The following FGF14 variants were observed in gnomAD, a reference collection of about 807,000 sequenced individuals.
FGF14 encodes fibroblast growth factor 14.
Under a neutral mutation model 25.5 loss-of-function variants are expected in FGF14, and 5 were observed. The ratio of observed to expected loss-of-function variants is 0.20; its 90% confidence interval spans 0.10 to 0.41. The LOEUF is 0.41. Ranked by LOEUF, FGF14 falls within the 10% of genes least tolerant of loss-of-function variation. The probability of loss-of-function intolerance (pLI) is 1.00; values close to 1 mark genes in which losing one functional copy is unlikely to be tolerated. For missense variants in FGF14, 222 were observed against 320.1 expected, an observed-to-expected ratio of 0.69 and a Z score of 2.34; for synonymous variants, 138 against 118.3, an observed-to-expected ratio of 1.17 and a Z score of -1.08.
chr13:102,372,165 A>G (rs1221708779), intron 1 of FGF14, among the ~76,000 whole-genome samples: 1 of 152,196 alleles, frequency 6.6e-6, no homozygotes, highest in African/African-American at 2.4e-5. Context: ...TCTCTACTTC[A>G]TTCAAAAATA....
At chr13:102,030,258 T>C (rs548044816) in intron 1 of FGF14, among the ~76,000 whole-genome samples, 44 of 152,208 alleles carry the variant, frequency 2.9e-4, no homozygotes, top group African/African-American at 1.0e-3. Flanking sequence ...TCTTGGGTGG[T>C]AAAAGTTAAT....
Position 101,715,380 on chromosome 13 carries a change from T to C in FGF14, c.*7451A>G. 2 of 584,396 alleles carry C rather than the reference T, an allele frequency of 3.4e-6. No homozygotes were observed. The highest frequency in any genetic ancestry group is 4.2e-5 in the South Asian group (2 of 47,834). The allele number at this position is 584,396 out of a possible 1,614,324, so 36.2% of individuals were successfully genotyped here. ...GGCACCAAATAAATGCCACTAATTG[T>C]TTGAAAGATTAGATGTCTCGCAGCT... On this transcript the variant is annotated 3_prime_UTR_variant, in exon 5 of 5. Coordinates refer to ENST00000376143, the MANE Select transcript of FGF14 (RefSeq NM_004115.4).
chr13:101,747,652 C>A (rs551313822), intron 3 of FGF14, among the ~76,000 whole-genome samples: 1 of 152,118 alleles, frequency 6.6e-6, no homozygotes, highest in African/African-American at 2.4e-5. Flanking sequence ...AATGAGATAT[C>A]ATCTCACACC....
chr13:101,726,247 A>G (rs530103673), intron 4 of FGF14, among the ~76,000 whole-genome samples: 1 of 152,208 alleles, frequency 6.6e-6, no homozygotes, highest in East Asian at 1.9e-4. Context: ...TATACTTATT[A>G]TCTTTTTCTA....
At chr13:102,365,446 G>A (rs111262868) in intron 1 of FGF14, among the ~76,000 whole-genome samples, 20 of 152,242 alleles carry the variant, frequency 1.3e-4, no homozygotes, top group South Asian at 4.2e-4. Context: ...ACAAAACGGC[G>A]ATAATAATTC....
At position 101,928,155 on chromosome 13, in the gene FGF14, G is replaced by T. The variant is rs550722308; in HGVS notation, c.209-52859C>A. On this transcript the variant is annotated intron_variant, in intron 1 of 4. Transcript: ENST00000376131. ...ACTCTGCATGTGGAAGGAAGTGGAAGGTCTGCTGCCCAGGAGATTTTCCTA... is the reference window on the plus strand; with the variant it reads ...ACTCTGCATGTGGAAGGAAGTGGAATGTCTGCTGCCCAGGAGATTTTCCTA... 7.2e-5 allele frequency among the ~76,000 whole-genome samples: 11 copies of T among 152,284 alleles called. No individual in the cohort carries two copies. In the South Asian group the frequency reaches 2.3e-3, roughly 32 times the overall value.
chr13:101,800,918 C>A (rs7319685), intron 3 of FGF14, among the ~76,000 whole-genome samples: 13 of 151,982 alleles, frequency 8.6e-5, no homozygotes, highest in African/African-American at 3.1e-4. Flanking sequence ...ACCTTCATAT[C>A]ATTATGCACT....
chr13:101,901,258 T>C (rs998898312), intron 1 of FGF14, among the ~76,000 whole-genome samples: 1 of 152,076 alleles, frequency 6.6e-6, no homozygotes. Flanking sequence ...GAGAAAGGGA[T>C]GGGAGAAGAT....
intron 1 of FGF14, among the ~76,000 whole-genome samples, chr13:102,280,803 T>C (rs563800893): frequency 6.6e-6 from 1 of 152,116 alleles, no homozygotes; most frequent in East Asian, 1.9e-4. Flanking sequence ...TGAAAACAGA[T>C]CTAGAGTGAA....
chr13:101,796,831 C>T (rs896802598), intron 3 of FGF14, among the ~76,000 whole-genome samples: 6 of 152,190 alleles, frequency 3.9e-5, no homozygotes, highest in African/African-American at 9.6e-5. Flanking sequence ...TACATTGTTA[C>T]GGCAGCCCTA....
intron 3 of FGF14, among the ~76,000 whole-genome samples, chr13:101,811,222 C>G (rs1053366868): frequency 1.3e-5 from 2 of 152,128 alleles, no homozygotes; most frequent in Non-Finnish European, 2.9e-5. Context: ...TACTATCACA[C>G]AGAATATTTT....
At chr13:101,749,293 A>G (rs2037112556) in intron 3 of FGF14, among the ~76,000 whole-genome samples, 1 of 152,028 alleles carries the variant, frequency 6.6e-6, no homozygotes, top group Non-Finnish European at 1.5e-5. Context: ...GATTAAGCAA[A>G]CTGTGGTACA....
At chr13:102,213,155 T>C (rs2050229214) in intron 1 of FGF14, among the ~76,000 whole-genome samples, 1 of 152,190 alleles carries the variant, frequency 6.6e-6, no homozygotes, top group Admixed American at 6.5e-5. Context: ...TGCCTTGCAA[T>C]TTCAGGATCA....
chr13:101,810,912 T>C (rs1169929354), intron 3 of FGF14, among the ~76,000 whole-genome samples: 1 of 152,144 alleles, frequency 6.6e-6, no homozygotes, highest in Non-Finnish European at 1.5e-5. Context: ...TAATCTTTAC[T>C]GGTTTCACTT....
intron 1 of FGF14, among the ~76,000 whole-genome samples, chr13:101,954,432 T>A (rs2036381063): frequency 6.6e-6 from 1 of 152,206 alleles, no homozygotes; most frequent in South Asian, 2.1e-4. Context: ...CAGGCCCTCT[T>A]CTAAATTTTT....
chr13:101,917,374 A>T (rs1291056249), upstream of FGF14, among the ~76,000 whole-genome samples: 1 of 151,920 alleles, frequency 6.6e-6, no homozygotes. Flanking sequence ...ATAATGATTT[A>T]AAAATAATAA....
intron 1 of FGF14, among the ~76,000 whole-genome samples, chr13:102,377,493 A>G (rs1162290038): frequency 6.6e-6 from 1 of 152,314 alleles, no homozygotes; most frequent in African/African-American, 2.4e-5. Flanking sequence ...CATACAAGAA[A>G]AGCAGGTATC....
chr13:101,950,983 C>G (rs1389762259), intron 1 of FGF14, among the ~76,000 whole-genome samples: 1 of 152,068 alleles, frequency 6.6e-6, no homozygotes, highest in Non-Finnish European at 1.5e-5. Context: ...CTACTAGTAG[C>G]TTAGTTTAGA....
chr13:101,801,906 A>C, intron 3 of FGF14: 1 of 413,936 alleles, frequency 2.4e-6, no homozygotes, highest in East Asian at 5.9e-5. Flanking sequence ...AAGAAACCAA[A>C]GGGTAAGATG....
Sources: allele counts gnomAD v4.1 joint callset (sites outside exome capture counted in the v4.1 genomes callset), GRCh38; gene constraint gnomAD v4.1.1; transcripts MANE v1.5; gene names NCBI Gene and HGNC (gene_info 2026-07-23, HGNC 2026-07-21).